TSEN2: variants seen among roughly 807,000 people sequenced by gnomAD.
TSEN2 encodes the protein tRNA-splicing endonuclease subunit Sen2.
In TSEN2, 54 loss-of-function variants were observed where a neutral mutation model predicts 59.2. The ratio of observed to expected loss-of-function variants is 0.91; its 90% CI spans 0.73 to 1.14. The LOEUF (loss-of-function observed/expected upper bound fraction) is 1.14. Ranked by LOEUF, TSEN2 falls within the 50% of genes most tolerant of loss-of-function variation. The pLI, the probability that TSEN2 is intolerant of heterozygous loss-of-function variation, is 0.00. For synonymous variants in TSEN2, 195 were observed against 198.2 expected (o/e 0.98, Z 0.14); for missense variants, 636 against 576.2 (o/e 1.10, Z -1.06).
At chr3:12,516,388 G>A (rs375006385) in intron 6 of TSEN2, among the ~76,000 whole-genome samples, 1 of 151,934 alleles carries the variant, frequency 6.6e-6, no homozygotes, top group Non-Finnish European at 1.5e-5. Context: ...ATGTGCCACC[G>A]CACTCCAGCC....
chr3:12,496,977 G>A (rs541582101), intron 4 of TSEN2, among the ~76,000 whole-genome samples: 2 of 152,174 alleles, frequency 1.3e-5, no homozygotes, highest in South Asian at 2.1e-4. Flanking sequence ...TTCCCGGAAC[G>A]TTTCTCCCTG....
intron 9 of TSEN2, 81 bp downstream of exon 9, chr3:12,529,005 A>G: frequency 2.1e-6 from 3 of 1,444,708 alleles, no homozygotes; most frequent in East Asian, 2.3e-5. Flanking sequence ...TTTTGGTGCC[A>G]TAGGAACAAA....
intron 10 of TSEN2, chr3:12,539,137 CTTT>C (rs577901176): frequency 1.1e-5 from 4 of 370,720 alleles, no homozygotes; most frequent in South Asian, 4.2e-5. Flanking sequence ...GTGCTTTTTT[CTTT>C]TTTTTTTTCT....
intron 6 of TSEN2, among the ~76,000 whole-genome samples, chr3:12,509,645 C>G (rs2055222148): frequency 6.6e-6 from 1 of 152,098 alleles, no homozygotes; most frequent in South Asian, 2.1e-4. Flanking sequence ...TCACTCATTC[C>G]CAGCAAGATT....
intron 8 of TSEN2, among the ~76,000 whole-genome samples, chr3:12,520,987 G>T (rs2056593024): frequency 1.3e-5 from 2 of 152,058 alleles, no homozygotes; most frequent in Non-Finnish European, 2.9e-5. Flanking sequence ...CCTTCTTTGT[G>T]TTCATAAGTT....
chr3:12,519,423 C>T (rs145333576), intron 8 of TSEN2, among the ~76,000 whole-genome samples: 1 of 152,210 alleles, frequency 6.6e-6, no homozygotes, highest in Non-Finnish European at 1.5e-5. Context: ...CCAGTTCAGG[C>T]TTTCCCTCTT....
chr3:12,503,091 AAAG>A (rs1348082443), intron 4 of TSEN2, among the ~76,000 whole-genome samples, 168 bp from the exon 5 acceptor site: 1 of 152,194 alleles, frequency 6.6e-6, no homozygotes, highest in Non-Finnish European at 1.5e-5. Flanking sequence ...AAAAGAAAGA[AAAG>A]AAAATGCAGA....
At chr3:12,492,104 T>C (rs1476843921) in intron 2 of TSEN2, 32 bp from the exon 3 acceptor site, 3 of 1,586,486 alleles carry the variant, frequency 1.9e-6, no homozygotes, top group Non-Finnish European at 2.6e-6. Context: ...TAACTAAGCA[T>C]GAACTAACTT....
At chr3:12,486,174 G>A (rs2052594361) in intron 1 of TSEN2, among the ~76,000 whole-genome samples, 1 of 152,212 alleles carries the variant, frequency 6.6e-6, no homozygotes, top group Non-Finnish European at 1.5e-5. Context: ...AGCACATGCA[G>A]TGAGTGCCTC....
chr3:12,481,141 T>G (rs2052188670), upstream of TSEN2, among the ~76,000 whole-genome samples: 1 of 152,246 alleles, frequency 6.6e-6, no homozygotes, highest in Non-Finnish European at 1.5e-5. Context: ...TAAACTTTTT[T>G]CTTAAGTATA....
intron 3 of TSEN2, among the ~76,000 whole-genome samples, chr3:12,495,576 A>G (rs143294229): frequency 6.6e-6 from 1 of 152,342 alleles, no homozygotes; most frequent in East Asian, 1.9e-4. Flanking sequence ...CTAATCGGAT[A>G]GACTTTGCAT....
chr3:12,519,780 C>G (rs1191327392), intron 8 of TSEN2, among the ~76,000 whole-genome samples: 1 of 152,048 alleles, frequency 6.6e-6, no homozygotes, highest in East Asian at 1.9e-4. Flanking sequence ...TCTATAGCAC[C>G]CACCCCCACG....
At chr3:12,483,711 G>C (rs1051391972), upstream of TSEN2, among the ~76,000 whole-genome samples, 3 of 152,326 alleles carry the variant, frequency 2.0e-5, no homozygotes, top group South Asian at 2.1e-4. Context: ...CTCCTGCTTA[G>C]TCTGTGTGGT....
At chr3:12,539,270 A>G in exon 11 of TSEN2, 1 of 371,150 alleles carries the variant, frequency 2.7e-6, no homozygotes, top group South Asian at 2.0e-5. Context: ...AGTAGCTGGG[A>G]TTACAGGCAC....
intron 6 of TSEN2, chr3:12,506,851 T>C (rs1575332561): frequency 2.0e-6 from 2 of 985,166 alleles, no homozygotes; most frequent in East Asian, 2.3e-4. Flanking sequence ...TCCCAAGAAG[T>C]GCTATGGAAC....
chr3:12,480,708 T>G (rs897337608), upstream of TSEN2, among the ~76,000 whole-genome samples: 1 of 151,926 alleles, frequency 6.6e-6, no homozygotes, highest in Non-Finnish European at 1.5e-5. Flanking sequence ...TTTATATATT[T>G]TTTTTAGTAG....
rs531062792 is a variant in TSEN2, at chr3:12,527,457, T to C, written c.1100-1431T>C. On this transcript the variant is annotated intron_variant, in intron 8 of 11. Transcript: ENST00000284995. ...CTTGAACTTTTCTTTTTTTTTTTTC[T>C]TTTTTTTTTTTTTTGAGACGGAGTC... Among the ~76,000 whole-genome samples the C allele has an allele frequency of 9.2e-4, 127 of 137,962 alleles. 2 individuals carry two copies. The East Asian group carries it at 0.025, about 27-fold the overall frequency. The allele number at this position is 137,962 out of a possible 152,430, so 90.5% of individuals were successfully genotyped here.
chr3:12,493,698 G>T (rs946478471), intron 3 of TSEN2, among the ~76,000 whole-genome samples: 1 of 152,208 alleles, frequency 6.6e-6, no homozygotes, highest in East Asian at 1.9e-4. Flanking sequence ...CTGCACTCCA[G>T]CCTGGGCGAC....
chr3:12,499,537 T>C (rs893377642), intron 4 of TSEN2, among the ~76,000 whole-genome samples: 4 of 152,326 alleles, frequency 2.6e-5, no homozygotes, highest in African/African-American at 9.6e-5. Flanking sequence ...CTTGCCTGCA[T>C]TACCTCCTTT....
Sources: gnomAD v4.1 joint callset for allele counts (sites outside exome capture counted in the v4.1 genomes callset) on GRCh38, gnomAD v4.1.1 for gene constraint, MANE v1.5 for transcripts, NCBI Gene and HGNC (gene_info 2026-07-23, HGNC 2026-07-21) for gene names.